Variants in TTLL13 observed in about 807,000 individuals in gnomAD.
TTLL13 encodes tubulin polyglutamylase TTLL13.
At chr15:90,256,594 TTTCTTTCTTTCTTTCC>T in the TTLL13 span, among the ~76,000 whole-genome samples, 281 of 32,924 alleles carry the variant, frequency 8.5e-3, 3 homozygotes, top group South Asian at 8.2e-3. Flanking sequence ...TCTTTCTTTC[TTTCTTTCTTTCTTTCC>T]TTCCTTCCTT....
chr15:90,258,170 C>T, the TTLL13 span: 1 of 1,614,262 alleles, frequency 6.2e-7, no homozygotes, highest in Non-Finnish European at 8.5e-7. Context: ...ACTACCGAAC[C>T]TGTTTTCCCC....
the TTLL13 span, chr15:90,263,101 C>T: frequency 5.2e-6 from 8 of 1,535,856 alleles, no homozygotes; most frequent in Non-Finnish European, 7.0e-6. Context: ...CACCCGTCTG[C>T]AGCACCCTGG....
the TTLL13 span, chr15:90,250,844 G>A: frequency 4.3e-6 from 7 of 1,614,050 alleles, no homozygotes; most frequent in African/African-American, 8.0e-5. Context: ...AGTTGACACA[G>A]GCGACTTAGA....
the TTLL13 span, among the ~76,000 whole-genome samples, chr15:90,256,617 CCTTCCTTCCTTCCTTCCTTCCTTCTTT>C: frequency 3.1e-4 from 18 of 57,822 alleles, no homozygotes; most frequent in African/African-American, 1.4e-3. Context: ...TTCCTTCCTT[CCTTCCTTCCTTCCTTCCTTCCTTCTTT>C]CTTTCTCCCT....
At chr15:90,258,530 T>G in the TTLL13 span, 4 of 614,914 alleles carry the variant, frequency 6.5e-6, no homozygotes, top group Non-Finnish European at 2.9e-6. Context: ...GGACACACTA[T>G]CTAGAGAGGC....
At chr15:90,261,804 G>C in the TTLL13 span, among the ~76,000 whole-genome samples, 1 of 152,322 alleles carries the variant, frequency 6.6e-6, no homozygotes, top group Non-Finnish European at 1.5e-5. Context: ...AAGCAAATCA[G>C]ATTTCTGGAA....
the TTLL13 span, chr15:90,262,343 G>T: frequency 8.8e-7 from 1 of 1,141,220 alleles, no homozygotes; most frequent in South Asian, 1.7e-5. Flanking sequence ...TTTCAGTTTA[G>T]TAGGTTTCCT....
the TTLL13 span, among the ~76,000 whole-genome samples, chr15:90,254,202 TA>T: frequency 0.2 from 28,080 of 138,858 alleles, 3,575 homozygotes; most frequent in African/African-American, 0.38. Context: ...TTTTTTTTTT[TA>T]AAAAAAAAAG....
At chr15:90,258,699 T>C in the TTLL13 span, 1 of 1,504,576 alleles carries the variant, frequency 6.6e-7, no homozygotes, top group Non-Finnish European at 9.2e-7. Context: ...CACCACCTGC[T>C]CAGGTGGTCT....
At chr15:90,251,011 T>C in the TTLL13 span, 6,857 of 1,290,660 alleles carry the variant, frequency 5.3e-3, 311 homozygotes, top group African/African-American at 0.09. Context: ...GGACAGGAAA[T>C]GCTGGAGTGT....
At chr15:90,255,681 C>G in the TTLL13 span, 1 of 1,603,758 alleles carries the variant, frequency 6.2e-7, no homozygotes, top group Non-Finnish European at 8.5e-7. Flanking sequence ...TCCTCCTCCA[C>G]TGCTTCCTGG....
At chr15:90,259,834 GT>G in the TTLL13 span, among the ~76,000 whole-genome samples, 5 of 152,186 alleles carry the variant, frequency 3.3e-5, no homozygotes, top group Non-Finnish European at 2.9e-5. Flanking sequence ...TGTAAAATGA[GT>G]TACAAACATG....
chr15:90,251,280 A>ATTTTTTTTTTTTT, the TTLL13 span, among the ~76,000 whole-genome samples: 3 of 109,510 alleles, frequency 2.7e-5, no homozygotes, highest in South Asian at 3.4e-4. Flanking sequence ...CGCATGGCAA[A>ATTTTTTTTTTTTT]TTTTTTTTTT....
chr15:90,258,663 C>A, the TTLL13 span: 2 of 1,215,606 alleles, frequency 1.6e-6, no homozygotes, highest in Non-Finnish European at 2.4e-6. Flanking sequence ...ATATCTTAGA[C>A]CCTCTAGTTA....
the TTLL13 span, among the ~76,000 whole-genome samples, chr15:90,253,766 G>A: frequency 6.6e-5 from 10 of 152,302 alleles, no homozygotes; most frequent in East Asian, 1.2e-3. Context: ...AGGAGACTGC[G>A]GGGTCCTGCC....
chr15:90,252,832 G>A, the TTLL13 span, among the ~76,000 whole-genome samples: 1 of 152,028 alleles, frequency 6.6e-6, no homozygotes, highest in South Asian at 2.1e-4. Flanking sequence ...GTAAAACCCC[G>A]TCTCTACTAA....
chr15:90,263,009 T>C, the TTLL13 span: 1 of 1,535,972 alleles, frequency 6.5e-7, no homozygotes, highest in Non-Finnish European at 8.7e-7. Flanking sequence ...CAAGAAATTG[T>C]GGAAGAGGAG....
chr15:90,253,505 C>A, the TTLL13 span: 3 of 511,808 alleles, frequency 5.9e-6, no homozygotes, highest in African/African-American at 3.8e-5. Context: ...CCCCCAGGGT[C>A]TTCTTTTCCA....
At chr15:90,263,327 A>G in the TTLL13 span, 3 of 573,388 alleles carry the variant, frequency 5.2e-6, no homozygotes, top group Admixed American at 3.3e-5. Context: ...TCTGTTCCCA[A>G]GCTCCTTTGT....
Sources: allele counts gnomAD v4.1 joint callset (sites outside exome capture counted in the v4.1 genomes callset), GRCh38; gene constraint gnomAD v4.1.1; transcripts MANE v1.5; gene names NCBI Gene and HGNC (gene_info 2026-07-23, HGNC 2026-07-21).